MARCHF5: variants seen among roughly 807,000 people sequenced by gnomAD.
The protein encoded by MARCHF5 is membrane associated ring-CH-type finger 5.
Under a neutral mutation model 36.5 loss-of-function variants are expected in MARCHF5, and 5 were observed. The ratio of observed to expected loss-of-function variants is 0.14; its 90% confidence interval spans 0.07 to 0.29. The LOEUF is 0.29. MARCHF5 is among the 10% of genes least tolerant of loss of function. MARCHF5 has a pLI of 1.00. For synonymous variants in MARCHF5, 103 were observed against 109.9 expected (o/e 0.94, Z 0.39); for missense variants, 179 against 336.3 (o/e 0.53, Z 3.66).
intron 3 of MARCHF5, among the ~76,000 whole-genome samples, chr10:92,344,191 G>T (rs954494993): frequency 5.9e-5 from 9 of 152,132 alleles, no homozygotes; most frequent in Admixed American, 2.0e-4. Context: ...CTGATCCCCA[G>T]CATCAAGGGA....
chr10:92,291,555 G>A, intron 1 of MARCHF5, 26 bp downstream of exon 1: 1 of 1,526,772 alleles, frequency 6.5e-7, no homozygotes, highest in Non-Finnish European at 8.8e-7. Flanking sequence ...GGGGGGACCG[G>A]GAGCCGCCGA....
Position 92,311,233 on chromosome 10 carries a change from C to A in MARCHF5, c.134C>A (p.Ala45Asp). The A allele has an allele frequency of 6.2e-7, 1 of 1,614,052 alleles. No homozygotes were observed. The highest frequency in any genetic ancestry group is 8.5e-7 in the Non-Finnish European group (1 of 1,179,972). The change falls in exon 2 of 6, where the codon GCC becomes GAC. Residue 45 changes from alanine to aspartate, a missense_variant. Physicochemically the swap from Ala to Asp is moderately radical, Grantham distance 126. Transcript: ENST00000358935. ...CRGSTKWVHQ[A>D]CLQRWVDEKQ... ...GGATCTACAAAATGGGTTCACCAGG[C>A]CTGTCTACAACGCTGGGTGGATGAA... is the stretch of plus-strand genomic sequence containing the variant.
chr10:92,311,423 T>A, intron 2 of MARCHF5, 86 bp downstream of exon 2: 1 of 874,064 alleles, frequency 1.1e-6, no homozygotes, highest in Non-Finnish European at 1.7e-6. Flanking sequence ...AACCACCTCT[T>A]TTTTTTAGGG....
intron 2 of MARCHF5, among the ~76,000 whole-genome samples, chr10:92,316,274 G>A (rs998788434): frequency 6.6e-6 from 1 of 152,176 alleles, no homozygotes; most frequent in African/African-American, 2.4e-5. Context: ...TAATATAAGT[G>A]TATGTTCTTC....
At chr10:92,314,744 CCCCG>C (rs1554947360) in intron 2 of MARCHF5, among the ~76,000 whole-genome samples, 7,573 of 17,120 alleles carry the variant, frequency 0.44, 815 homozygotes, top group Middle Eastern at 0.55. Context: ...TGCTGCTTCC[CCCCG>C]CCCCCCCCCG....
In MARCHF5 at chr10:92,294,385, A is replaced by AG. The variant is rs57477944; in HGVS notation, c.35+2857dup. The stretch of plus-strand genomic sequence containing the variant: ...GCAAAACACTCTATGTTAGCCAAAT[A>AG]GAAGGCACTTAAGACTAATGTAAAC... On this transcript the variant is annotated intron_variant, in intron 1 of 5. Coordinates refer to ENST00000358935, the MANE Select transcript of MARCHF5 (RefSeq NM_017824.5). Among the ~76,000 whole-genome samples the AG allele has an allele frequency of 2.0e-3, 312 of 152,334 alleles. 1 individual carries two copies. Among genetic ancestry groups the AG allele is most frequent in the African/African-American group, 7.1e-3 (294 of 41,570 alleles).
intron 2 of MARCHF5, among the ~76,000 whole-genome samples, chr10:92,313,616 T>C (rs1036764675): frequency 4.7e-5 from 7 of 149,520 alleles, no homozygotes; most frequent in African/African-American, 1.2e-4. Flanking sequence ...AAAAAAAAAA[T>C]TGTGGCGGGT....
intron 1 of MARCHF5, among the ~76,000 whole-genome samples, chr10:92,305,623 T>G (rs778020449): frequency 3.9e-5 from 6 of 152,178 alleles, no homozygotes; most frequent in Non-Finnish European, 8.8e-5. Flanking sequence ...TGCATCACAC[T>G]GAGGACTGAG....
intron 5 of MARCHF5, 51 bp from the exon 6 acceptor site, chr10:92,351,040 C>T: frequency 1.0e-6 from 1 of 969,536 alleles, no homozygotes; most frequent in South Asian, 1.4e-5. Context: ...TTTTATTACT[C>T]TGTTTCTCTA....
intron 3 of MARCHF5, among the ~76,000 whole-genome samples, chr10:92,341,602 T>C (rs1363628575): frequency 6.6e-6 from 1 of 152,152 alleles, no homozygotes. Flanking sequence ...AGTTTTTTTG[T>C]GTGTTCAGGT....
intron 2 of MARCHF5, among the ~76,000 whole-genome samples, chr10:92,323,741 A>G (rs1220507512): frequency 6.6e-6 from 1 of 152,134 alleles, no homozygotes; most frequent in East Asian, 1.9e-4. Context: ...TTGGTAGATC[A>G]TTTCATTTTA....
At chr10:92,298,793 G>GT (rs1842977334) in intron 1 of MARCHF5, among the ~76,000 whole-genome samples, 1 of 151,842 alleles carries the variant, frequency 6.6e-6, no homozygotes, top group African/African-American at 2.4e-5. Context: ...AAACTCCTGA[G>GT]CTTAAGTGAC....
At chr10:92,346,198 G>A (rs1826772693) in intron 3 of MARCHF5, among the ~76,000 whole-genome samples, 1 of 152,176 alleles carries the variant, frequency 6.6e-6, no homozygotes, top group South Asian at 2.1e-4. Flanking sequence ...TATTGCCCCT[G>A]AGTATGACTG....
rs1343750039 is a variant in MARCHF5 at position 92,311,334 on chromosome 10, T to G, written c.235T>G (p.Leu79Val). ...TGAATACCTAATAGTTTTTCCAAAATTGGGTAAGAATATCTTTAAAAACAA... is the reference window on the plus strand; with the variant it reads ...TGAATACCTAATAGTTTTTCCAAAAGTGGGTAAGAATATCTTTAAAAACAA... ...NAEYLIVFPK[L>V]GPVVYVLDLA... Residue 79 changes from leucine to valine, a missense_variant, in exon 2 of 6, where the codon TTG (leucine) becomes GTG (valine). By Grantham distance (32) the Leu-to-Val change is conservative. Transcript: ENST00000358935. The G allele has an allele frequency of 6.4e-7, 1 of 1,568,992 alleles. No homozygotes were observed. Among genetic ancestry groups the G allele is most frequent in the Admixed American group, 1.9e-5 (1 of 53,464 alleles).
intron 2 of MARCHF5, among the ~76,000 whole-genome samples, chr10:92,324,196 G>A (rs1590658330): frequency 6.6e-6 from 1 of 152,146 alleles, no homozygotes; most frequent in East Asian, 1.9e-4. Context: ...CTTTGATGAG[G>A]TGTACACTTT....
intron 1 of MARCHF5, among the ~76,000 whole-genome samples, chr10:92,310,650 G>T (rs865790799): frequency 3.4e-4 from 52 of 151,006 alleles, no homozygotes; most frequent in Non-Finnish European, 4.9e-4. Context: ...AGAAAAATGG[G>T]TTTTTTTTTC....
At chr10:92,324,008 C>T (rs1197491087) in intron 2 of MARCHF5, among the ~76,000 whole-genome samples, 4 of 152,166 alleles carry the variant, frequency 2.6e-5, no homozygotes, top group Admixed American at 2.0e-4. Flanking sequence ...TACCATGTAC[C>T]ATTTTGCATT....
chr10:92,317,240 A>C (rs1028884080), intron 2 of MARCHF5, among the ~76,000 whole-genome samples: 3 of 151,998 alleles, frequency 2.0e-5, no homozygotes, highest in Non-Finnish European at 1.5e-5. Flanking sequence ...CTGGGATTAC[A>C]GACATGCGCC....
intron 1 of MARCHF5, chr10:92,308,602 A>G (rs1179182192): frequency 6.6e-6 from 1 of 152,118 alleles, no homozygotes; most frequent in Non-Finnish European, 1.5e-5. Context: ...AACTCCTGAT[A>G]AGTACGCACT....
Sources: allele counts gnomAD v4.1 joint callset (sites outside exome capture counted in the v4.1 genomes callset), GRCh38; gene constraint gnomAD v4.1.1; transcripts MANE v1.5; gene names NCBI Gene and HGNC (gene_info 2026-07-23, HGNC 2026-07-21).